Variants in C4orf54 observed in about 807,000 individuals in gnomAD.
The protein encoded by C4orf54 is uncharacterized protein C4orf54.
C4orf54 carries 67 observed loss-of-function variants against 80.1 expected under a neutral mutation model. The observed-to-expected ratio is 0.84, with a 90% confidence interval of 0.69 to 1.03. C4orf54 has a LOEUF of 1.03. Ranked by LOEUF, C4orf54 falls within the 50% of genes least tolerant of loss-of-function variation. The pLI, the probability that C4orf54 is intolerant of heterozygous loss-of-function variation, is 0.00. For synonymous variants in C4orf54, 1,000 were observed against 917.0 expected (o/e 1.09, Z -1.64); for missense variants, 2,434 against 2,253.5 (o/e 1.08, Z -1.62).
intron 2 of C4orf54, among the ~76,000 whole-genome samples, chr4:99,648,677 T>C (rs1726740659): frequency 6.6e-6 from 1 of 152,224 alleles, no homozygotes; most frequent in Non-Finnish European, 1.5e-5. Context: ...ACAGTCGCTT[T>C]GTATAAGCAA....
At position 99,650,392 on chromosome 4, in the gene C4orf54, A is replaced by G; in HGVS notation, c.4257T>C (p.Pro1419=). 6.5e-7 allele frequency: 1 copy of G among 1,536,012 alleles called. No homozygotes were observed. The highest frequency in any genetic ancestry group is 8.7e-7 in the Non-Finnish European group (1 of 1,146,862). ...TAGCTGCTGAAGGACTCTCCGGAGA[A>G]GGCCCTTGTGGGAACTTGCCAGCGA... ...GGVAGKFPQG[P]SPESPSAAKG... The change falls in exon 2 of 3, where the codon CCT becomes CCC. Residue 1419 remains proline, a synonymous_variant. Coordinates refer to ENST00000511828, the MANE Select transcript of C4orf54 (RefSeq NM_001354435.2).
intron 2 of C4orf54, among the ~76,000 whole-genome samples, chr4:99,643,305 A>T (rs1258600442): frequency 6.6e-6 from 1 of 152,206 alleles, no homozygotes; most frequent in East Asian, 1.9e-4. Flanking sequence ...AGTGACAACA[A>T]GTCACTTGCC....
rs1726559408 is a variant in C4orf54, at chr4:99,639,027, C to A, written c.*2206G>T. ...CAGTGTGAGAATTTAAAACTCAAAT[C>A]TGCTGGTGAGAAACACTGATACATA... On this transcript the variant is annotated 3_prime_UTR_variant, in exon 3 of 3. Coordinates refer to ENST00000511828, the MANE Select transcript of C4orf54 (RefSeq NM_001354435.2). The A allele has an allele frequency of 1.3e-5, 2 of 152,104 alleles. No homozygotes were observed. Among genetic ancestry groups the A allele is most frequent in the African/African-American group, 4.8e-5 (2 of 41,442 alleles). The allele number at this position is 152,104 out of a possible 1,614,324, so 9.4% of individuals were successfully genotyped here. A position where few individuals can be genotyped will look rare whatever the true frequency, so the allele number is the denominator to read the frequency against.
rs1266536094 is a variant in C4orf54, at chr4:99,640,822, G to C, written c.*411C>G. On this transcript the variant is annotated 3_prime_UTR_variant, in exon 3 of 3. Transcript: ENST00000511828. The stretch of plus-strand genomic sequence containing the variant: ...CGTGATCCAAATTACTCATTTACTA[G>C]CTTGGTTTACAACAGAATCAATCCC... The C allele has an allele frequency of 6.6e-6, 1 of 152,148 alleles. No individual in the cohort carries two copies. The highest frequency in any genetic ancestry group is 2.4e-5 in the African/African-American group (1 of 41,434). The allele number at this position is 152,148 out of a possible 1,614,324, so 9.4% of individuals were successfully genotyped here. A position where few individuals can be genotyped will look rare whatever the true frequency, so the allele number is the denominator to read the frequency against.
chr4:99,652,038 C>G lies in C4orf54; in HGVS notation c.2611G>C (p.Glu871Gln), dbSNP rs1473849682. Residue 871 changes from glutamate (E) to glutamine (Q), a missense_variant, in exon 2 of 3, where the codon GAG (glutamate) becomes CAG (glutamine). Coordinates refer to ENST00000511828, the MANE Select transcript of C4orf54 (RefSeq NM_001354435.2). ...GLQRQSSRHS[E>Q]AGSEYTVVSM... is the part of the protein sequence containing the mutation. Reference sequence around the variant, plus strand: ...ACCACTGTGTACTCGGAGCCGGCCTCGGAGTGACGAGAGCTCTGCCTCTGC... The same window carrying G: ...ACCACTGTGTACTCGGAGCCGGCCTGGGAGTGACGAGAGCTCTGCCTCTGC... 1 of 1,536,150 alleles carries G rather than the reference C, an allele frequency of 6.5e-7. No homozygotes were observed. The highest frequency in any genetic ancestry group is 8.7e-7 in the Non-Finnish European group (1 of 1,146,900).
At chr4:99,643,298 GACA>G (rs962932792) in intron 2 of C4orf54, among the ~76,000 whole-genome samples, 1 of 152,174 alleles carries the variant, frequency 6.6e-6, no homozygotes, top group Non-Finnish European at 1.5e-5. Flanking sequence ...GAGGCTCAGT[GACA>G]ACAAGTCACT....
rs1046919271 is a variant in C4orf54 at position 99,652,087 on chromosome 4, G to A, written c.2562C>T (p.Ser854=). The change falls in exon 2 of 3, where the codon AGC becomes AGT. Residue 854 remains serine, a synonymous_variant. Transcript: ENST00000511828. The stretch of plus-strand genomic sequence containing the variant: ...GCAGGCCCCTCTCTCGCTGCCTCTC[G>A]CTCCCGCGGGCGCCCTCCGTCTCCT... ...TSKETEGARG[S]ERQRERGLQR... The A allele has an allele frequency of 2.1e-5, 32 of 1,536,070 alleles. No individual in the cohort carries two copies. In the East Asian group the frequency reaches 2.7e-4, roughly 13 times the overall value.
chr4:99,641,763 G>A (rs576936345), intron 2 of C4orf54, among the ~76,000 whole-genome samples: 7 of 152,218 alleles, frequency 4.6e-5, no homozygotes, highest in African/African-American at 1.7e-4. Context: ...CTTGCTGAAG[G>A]TTAGCCTTCT....
Position 99,651,555 on chromosome 4 carries a change from G to A in C4orf54, c.3094C>T (p.Arg1032Trp). The A allele has an allele frequency of 6.5e-7, 1 of 1,536,134 alleles. No individual in the cohort carries two copies. ...CTCGGCTGCTGCACACTCCCCAGCC[G>A]GATCTTGATTTCGGGAGCCTTGGGT... is the stretch of plus-strand genomic sequence containing the variant. ...IRPKAPEIKI[R>W]LGSVQQPSSD... Residue 1032 changes from arginine (R) to tryptophan (W), a missense_variant, in exon 2 of 3, where the codon CGG becomes TGG. Physicochemically the swap from Arg to Trp is moderately radical, Grantham distance 101 (BLOSUM62 -3). Transcript: ENST00000511828.
At chr4:99,644,711 G>C (rs573975472) in intron 2 of C4orf54, among the ~76,000 whole-genome samples, 14 of 150,658 alleles carry the variant, frequency 9.3e-5, no homozygotes, top group Admixed American at 9.3e-4. Flanking sequence ...GACTCACCCA[G>C]TCCTACCCTT....
chr4:99,647,139 T>C (rs1726713232), intron 2 of C4orf54, among the ~76,000 whole-genome samples: 1 of 152,182 alleles, frequency 6.6e-6, no homozygotes, highest in African/African-American at 2.4e-5. Context: ...CACTAAAAAC[T>C]CTAATGTATA....
chr4:99,648,244 C>G (rs181433748), intron 2 of C4orf54, among the ~76,000 whole-genome samples: 1 of 152,030 alleles, frequency 6.6e-6, no homozygotes, highest in Non-Finnish European at 1.5e-5. Flanking sequence ...TGAAGTGTCC[C>G]GGTTTGAACA....
chr4:99,653,115 A>T lies in C4orf54; in HGVS notation c.1534T>A (p.Cys512Ser). ...AGGATCTGGCTTGCTGCACTCCCAC[A>T]GCTGCTTGCGGCGGCGGCTGCTGCC... ...SGAAAAAASS[C>S]GSAASQILLS... Residue 512 changes from cysteine to serine, a missense_variant, in exon 2 of 3, where the codon TGT (cysteine) becomes AGT (serine). By Grantham distance (112) the Cys-to-Ser change is moderately radical. Transcript: ENST00000511828. 1 of 1,536,222 alleles carries T rather than the reference A, an allele frequency of 6.5e-7. No homozygotes were observed. The highest frequency in any genetic ancestry group is 8.7e-7 in the Non-Finnish European group (1 of 1,146,912).
At position 99,639,667 on chromosome 4, in the gene C4orf54, G is replaced by GT. The variant is rs1726572260; in HGVS notation, c.*1565dup. On this transcript the variant is annotated 3_prime_UTR_variant, in exon 3 of 3. Transcript: ENST00000511828. ...ATACCCAAGAGAACTTTTTTTCAGAGTAAGATCCCTTAAAGGAAGGCCCTG... is the reference window on the plus strand; with the variant it reads ...ATACCCAAGAGAACTTTTTTTCAGAGTTAAGATCCCTTAAAGGAAGGCCCTG... 1 of 152,000 alleles carries GT rather than the reference G, an allele frequency of 6.6e-6. No individual in the cohort carries two copies. The highest frequency in any genetic ancestry group is 1.5e-5 in the Non-Finnish European group (1 of 67,954). 9.4% of individuals were successfully genotyped at this position (152,000 alleles called of 1,614,324 possible).
chr4:99,649,358 A>G lies in C4orf54; in HGVS notation c.5291T>C (p.Ile1764Thr), dbSNP rs1262838441. The G allele has an allele frequency of 6.5e-7, 1 of 1,536,126 alleles. No individual in the cohort carries two copies. The highest frequency in any genetic ancestry group is 2.0e-5 in the Admixed American group (1 of 51,008). The change falls in exon 2 of 3, where the codon ATC becomes ACC. Residue 1764 changes from isoleucine (I) to threonine (T), a missense_variant. Physicochemically the swap from Ile to Thr is moderately conservative, Grantham distance 89. Coordinates refer to ENST00000511828, the MANE Select transcript of C4orf54 (RefSeq NM_001354435.2). Reference sequence around the variant, plus strand: ...CCCCAGGGGCTGCGAAGTAATGCTGATGACAGGCTTGCCATGCAGCTGGGC... The same window carrying G: ...CCCCAGGGGCTGCGAAGTAATGCTGGTGACAGGCTTGCCATGCAGCTGGGC... ...AFAQLHGKPVISITSQPLGPR... is the reference protein window; with the variant it reads ...AFAQLHGKPVTSITSQPLGPR...
chr4:99,644,072 C>T (rs1726656347), intron 2 of C4orf54, among the ~76,000 whole-genome samples: 1 of 151,986 alleles, frequency 6.6e-6, no homozygotes, highest in South Asian at 2.1e-4. Flanking sequence ...AGAACTGAGA[C>T]CAGCGAGCAG....
At position 99,638,094 on chromosome 4, in the gene C4orf54, G is replaced by A. The variant is rs1226879715; in HGVS notation, c.*3139C>T. ...TGTCAAATTTGAAAATAAGAAAAAG[G>A]AATTTATATCACCAGATATTTCCAG... On this transcript the variant is annotated 3_prime_UTR_variant, in exon 3 of 3. Transcript: ENST00000511828. 2 of 152,032 alleles carry A rather than the reference G, an allele frequency of 1.3e-5. No individual in the cohort carries two copies. The highest frequency in any genetic ancestry group is 4.8e-5 in the African/African-American group (2 of 41,410). 9.4% of individuals were successfully genotyped at this position (152,032 alleles called of 1,614,324 possible).
At chr4:99,644,467 AT>A (rs1726664535) in intron 2 of C4orf54, among the ~76,000 whole-genome samples, 1 of 152,206 alleles carries the variant, frequency 6.6e-6, no homozygotes, top group Non-Finnish European at 1.5e-5. Flanking sequence ...AACAGAAGCT[AT>A]TTACAATAAT....
intron 2 of C4orf54, among the ~76,000 whole-genome samples, chr4:99,645,232 T>C (rs1726680559): frequency 6.6e-6 from 1 of 151,748 alleles, no homozygotes; most frequent in African/African-American, 2.4e-5. Context: ...AGGGACTCAT[T>C]AGAATAATAA....
Sources: allele counts gnomAD v4.1 joint callset (sites outside exome capture counted in the v4.1 genomes callset), GRCh38; gene constraint gnomAD v4.1.1; transcripts MANE v1.5; gene names NCBI Gene and HGNC (gene_info 2026-07-23, HGNC 2026-07-21).